Variants in CD300LB observed in about 807,000 individuals in gnomAD.
The protein encoded by CD300LB is CMRF35-like molecule 7.
A neutral mutation model predicts 20.8 loss-of-function variants in CD300LB; 18 were observed. The observed-to-expected ratio is 0.87, with a 90% CI of 0.60 to 1.28. The LOEUF (loss-of-function observed/expected upper bound fraction) is 1.28, where lower values mean the gene tolerates loss of function less well. CD300LB is among the 50% of genes most tolerant of loss of function. CD300LB has a pLI of 0.00. For missense variants in CD300LB, 222 were observed against 251.8 expected (o/e 0.88, Z 0.80); for synonymous variants, 91 against 91.3 (o/e 1.00, Z 0.02).
chr17:74,522,680 A>C lies in CD300LB; in HGVS notation c.*58T>G. The stretch of plus-strand genomic sequence containing the variant: ...GAGGACTCGTAGATGTTCCTTCCAC[A>C]GCCCGAGTCTCTTCTGGAAACGTGG... On this transcript the variant is annotated 3_prime_UTR_variant, in exon 4 of 4. Coordinates refer to ENST00000392621, the MANE Select transcript of CD300LB (RefSeq NM_174892.4). The C allele has an allele frequency of 6.2e-7, 1 of 1,601,900 alleles. No homozygotes were observed. The highest frequency in any genetic ancestry group is 8.5e-7 in the Non-Finnish European group (1 of 1,172,574).
chr17:74,528,218 C>T (rs998742291), intron 1 of CD300LB, among the ~76,000 whole-genome samples: 4 of 151,928 alleles, frequency 2.6e-5, no homozygotes, highest in East Asian at 1.9e-4. Flanking sequence ...AAGTGTAATG[C>T]GTTTGAATCA....
intron 1 of CD300LB, among the ~76,000 whole-genome samples, chr17:74,531,091 C>T (rs1241893571): frequency 6.6e-6 from 1 of 152,216 alleles, no homozygotes; most frequent in East Asian, 1.9e-4. Context: ...AGGTGTGAGC[C>T]ATGGCCTCAA....
chr17:74,523,400 A>T lies in CD300LB; in HGVS notation c.443+179T>A, dbSNP rs937645273. The T allele has an allele frequency of 2.6e-5, 16 of 618,720 alleles. No individual in the cohort carries two copies. In the African/African-American group the frequency reaches 2.7e-4, roughly 11 times the overall value. 38.3% of individuals were successfully genotyped at this position (618,720 alleles called of 1,614,324 possible). A position where few individuals can be genotyped will look rare whatever the true frequency, so the allele number is the denominator to read the frequency against. On this transcript the variant is annotated intron_variant, in intron 3 of 3. Transcript: ENST00000392621. Reference sequence around the variant, plus strand: ...GCAGAGCGGTTTTCTGGTGAGAGCTAGAGTGGGGAGATGGTGGATTGCAGT... The same window carrying T: ...GCAGAGCGGTTTTCTGGTGAGAGCTTGAGTGGGGAGATGGTGGATTGCAGT...
intron 1 of CD300LB, among the ~76,000 whole-genome samples, chr17:74,530,718 G>A (rs1428784292): frequency 1.3e-5 from 2 of 152,030 alleles, no homozygotes; most frequent in African/African-American, 4.8e-5. Context: ...TTCATCCTCC[G>A]CACACGCCTC....
At chr17:74,526,856 G>T (rs1908050995) in intron 1 of CD300LB, among the ~76,000 whole-genome samples, 1 of 152,216 alleles carries the variant, frequency 6.6e-6, no homozygotes, top group Non-Finnish European at 1.5e-5. Flanking sequence ...CAGCTCCTGT[G>T]AGCCAGCCCC....
At chr17:74,524,618 C>G (rs1907976756) in intron 2 of CD300LB, among the ~76,000 whole-genome samples, 1 of 152,018 alleles carries the variant, frequency 6.6e-6, no homozygotes, top group Admixed American at 6.6e-5. Context: ...TAAAACAAAA[C>G]AAAACAAAAA....
rs1907871554 is a variant in CD300LB at position 74,521,301 on chromosome 17, T to C, written c.*1437A>G. On this transcript the variant is annotated 3_prime_UTR_variant, in exon 4 of 4. Transcript: ENST00000392621. ...AGCTGGTGAAGCACCATGCTTTGGC[T>C]TTCCCTCCCGCGGAGCGGTGCCGTC... 2 of 969,220 alleles carry C rather than the reference T, an allele frequency of 2.1e-6. No individual in the cohort carries two copies. The highest frequency in any genetic ancestry group is 2.5e-6 in the Non-Finnish European group (2 of 815,098). 60.0% of individuals were successfully genotyped at this position (969,220 alleles called of 1,614,324 possible).
In CD300LB at chr17:74,526,020, G is replaced by T; in HGVS notation, c.98C>A (p.Thr33Lys). Residue 33 changes from threonine (T) to lysine (K), a missense_variant, in exon 2 of 4, where the codon ACG becomes AAG. By Grantham distance (78) the Thr-to-Lys change is moderately conservative. Coordinates refer to ENST00000392621, the MANE Select transcript of CD300LB (RefSeq NM_174892.4). The part of the protein sequence containing the change: ...SVRAPEQGSL[T>K]VQCHYKQGWE... ...TCCTTGCTTATAGTGGCATTGAACC[G>T]TCAGGGACCCCTGCTCTGGGGCTCT... 9 of 1,614,140 alleles carry T rather than the reference G, an allele frequency of 5.6e-6. No individual in the cohort carries two copies. Among genetic ancestry groups the T allele is most frequent in the Non-Finnish European group, 7.6e-6 (9 of 1,180,038 alleles).
Position 74,521,728 on chromosome 17 carries a change from G to C in CD300LB, c.*1010C>G. On this transcript the variant is annotated 3_prime_UTR_variant, in exon 4 of 4. Coordinates refer to ENST00000392621, the MANE Select transcript of CD300LB (RefSeq NM_174892.4). The stretch of plus-strand genomic sequence containing the variant: ...GTGTGGTGTGTTTGCTTGTGGGCAG[G>C]TGGGGGCGGGAGCACATCTCACATG... 1.0e-6 allele frequency: 1 copy of C among 985,714 alleles called. No homozygotes were observed. The highest frequency in any genetic ancestry group is 1.2e-6 in the Non-Finnish European group (1 of 830,114). The allele number at this position is 985,714 out of a possible 1,614,324, so 61.1% of individuals were successfully genotyped here.
At chr17:74,525,631 C>G (rs78194011) in intron 2 of CD300LB, 117 bp downstream of exon 2, 1 of 872,216 alleles carries the variant, frequency 1.1e-6, no homozygotes, top group Non-Finnish European at 1.8e-6. Context: ...GTCTCTCTCT[C>G]TCTCTCTCTT....
At chr17:74,530,979 A>T (rs546516930) in intron 1 of CD300LB, among the ~76,000 whole-genome samples, 1 of 152,086 alleles carries the variant, frequency 6.6e-6, no homozygotes, top group African/African-American at 2.4e-5. Flanking sequence ...ATTTTTGTTC[A>T]TTTTATATAG....
rs1442547604 is a variant in CD300LB at position 74,521,804 on chromosome 17, C to T, written c.*934G>A. 1.0e-6 allele frequency: 1 copy of T among 985,390 alleles called. No individual in the cohort carries two copies. The highest frequency in any genetic ancestry group is 1.7e-5 in the African/African-American group (1 of 57,222). 61.0% of individuals were successfully genotyped at this position (985,390 alleles called of 1,614,324 possible). The stretch of plus-strand genomic sequence containing the variant: ...CCTCAACCATACAGCACAAAGTGAC[C>T]ACATTCAAGGGCCTCATCGCCGTGG... On this transcript the variant is annotated 3_prime_UTR_variant, in exon 4 of 4. Transcript: ENST00000392621.
In CD300LB at chr17:74,522,458, T is replaced by TG. The variant is rs1907910609; in HGVS notation, c.*279dup. ...CTCTGTGCCCGAGTTATTCCAGCAG[T>TG]GGGGACAGAGTCGTCCAGTGCTTGA... is the stretch of plus-strand genomic sequence containing the variant. On this transcript the variant is annotated 3_prime_UTR_variant, in exon 4 of 4. Coordinates refer to ENST00000392621, the MANE Select transcript of CD300LB (RefSeq NM_174892.4). 2 of 1,152,874 alleles carry TG rather than the reference T, an allele frequency of 1.7e-6. No individual in the cohort carries two copies. The highest frequency in any genetic ancestry group is 2.1e-6 in the Non-Finnish European group (2 of 932,264). The allele number at this position is 1,152,874 out of a possible 1,614,324, so 71.4% of individuals were successfully genotyped here. A position where few individuals can be genotyped will look rare whatever the true frequency, so the allele number is the denominator to read the frequency against.
chr17:74,530,543 G>A (rs1022922170), intron 1 of CD300LB, among the ~76,000 whole-genome samples: 3 of 125,002 alleles, frequency 2.4e-5, no homozygotes, highest in Non-Finnish European at 4.9e-5. Context: ...CTCTGCCCAG[G>A]TCCCCCAACA....
At position 74,522,820 on chromosome 17, in the gene CD300LB, G is replaced by A; in HGVS notation, c.524C>T (p.Ser175Phe). Residue 175 changes from serine (S) to phenylalanine (F), a missense_variant, in exon 4 of 4, where the codon TCT becomes TTT. Ser to Phe is a radical substitution (Grantham distance 155). Transcript: ENST00000392621. ...LVTAILWLKG[S>F]QRVPEEPGEQ... ...CCCTGGCTCCTCAGGGACCCTCTGAGACCCCTTCAACCAGAGGATGGCAGT... is the reference window on the plus strand; with the variant it reads ...CCCTGGCTCCTCAGGGACCCTCTGAAACCCCTTCAACCAGAGGATGGCAGT... The A allele has an allele frequency of 6.2e-7, 1 of 1,614,112 alleles. No individual in the cohort carries two copies. The highest frequency in any genetic ancestry group is 8.5e-7 in the Non-Finnish European group (1 of 1,180,006).
intron 3 of CD300LB, chr17:74,523,297 T>C (rs1907937319): frequency 5.6e-6 from 3 of 539,646 alleles, no homozygotes; most frequent in Non-Finnish European, 1.0e-5. Context: ...GTATCTTATC[T>C]CCCCCTGGCA....
rs1216574886 is a variant in CD300LB, at chr17:74,522,057, G to T, written c.*681C>A. ...CAGCCCCTCGGAGGTGGGGGAATAG[G>T]CAGGGAGCTTGGGGAGCTAGGAGGA... On this transcript the variant is annotated 3_prime_UTR_variant, in exon 4 of 4. Transcript: ENST00000392621. 1 of 985,476 alleles carries T rather than the reference G, an allele frequency of 1.0e-6. No individual in the cohort carries two copies. Among genetic ancestry groups the T allele is most frequent in the South Asian group, 4.7e-5 (1 of 21,286 alleles). The allele number at this position is 985,476 out of a possible 1,614,324, so 61.0% of individuals were successfully genotyped here.
At chr17:74,531,065 A>G (rs1460744161) in intron 1 of CD300LB, among the ~76,000 whole-genome samples, 2 of 152,134 alleles carry the variant, frequency 1.3e-5, no homozygotes, top group Admixed American at 6.5e-5. Flanking sequence ...TTGGCCTCCC[A>G]AAGTGTTAGG....
At position 74,521,725 on chromosome 17, in the gene CD300LB, C is replaced by A; in HGVS notation, c.*1013G>T. 1.0e-6 allele frequency: 1 copy of A among 985,394 alleles called. No individual in the cohort carries two copies. Among genetic ancestry groups the A allele is most frequent in the Non-Finnish European group, 1.2e-6 (1 of 830,074 alleles). The allele number at this position is 985,394 out of a possible 1,614,324, so 61.0% of individuals were successfully genotyped here. ...CATGTGTGGTGTGTTTGCTTGTGGGCAGGTGGGGGCGGGAGCACATCTCAC... is the reference window on the plus strand; with the variant it reads ...CATGTGTGGTGTGTTTGCTTGTGGGAAGGTGGGGGCGGGAGCACATCTCAC... On this transcript the variant is annotated 3_prime_UTR_variant, in exon 4 of 4. Transcript: ENST00000392621.
Sources: allele counts gnomAD v4.1 joint callset (sites outside exome capture counted in the v4.1 genomes callset), GRCh38; gene constraint gnomAD v4.1.1; transcripts MANE v1.5; gene names NCBI Gene and HGNC (gene_info 2026-07-23, HGNC 2026-07-21).